The following JKAMP variants were observed in gnomAD, a reference collection of about 807,000 sequenced individuals.
JKAMP encodes JNK1/MAPK8-associated membrane protein.
In JKAMP, 20 loss-of-function variants were observed where a neutral mutation model predicts 40.2. The ratio of observed to expected loss-of-function variants is 0.50; its 90% CI spans 0.35 to 0.72. The LOEUF is 0.72. Ranked by LOEUF, JKAMP falls within the 30% of genes least tolerant of loss-of-function variation. The probability of loss-of-function intolerance (pLI) is 0.01; values close to 1 mark genes in which losing one functional copy is unlikely to be tolerated. For synonymous variants in JKAMP, 138 were observed against 131.6 expected (o/e 1.05, Z -0.33); for missense variants, 276 against 373.0 (o/e 0.74, Z 2.14).
chr14:59,501,302 T>C (rs750532696), intron 6 of JKAMP, 35 bp downstream of exon 6: 11 of 1,299,834 alleles, frequency 8.5e-6, no homozygotes, highest in East Asian at 2.3e-5. Context: ...TAAAGACTTT[T>C]TGATAAATTT....
chr14:59,487,624 ATGT>A (rs771238203), intron 2 of JKAMP, 47 bp from the exon 3 acceptor site: 1 of 1,395,558 alleles, frequency 7.2e-7, no homozygotes, highest in South Asian at 1.2e-5. Context: ...GGGGGTGTTA[ATGT>A]TGTAAAATAA....
At position 59,487,703 on chromosome 14, in the gene JKAMP, A is replaced by C. The variant is rs775018893; in HGVS notation, c.126A>C (p.Ala42=). 1 of 1,613,348 alleles carries C rather than the reference A, an allele frequency of 6.2e-7. No individual in the cohort carries two copies. The highest frequency in any genetic ancestry group is 1.1e-5 in the South Asian group (1 of 91,076). ...GCCCAAGAGGACAGAGAACGAATGC[A>C]CAGAAATATTGTCAGCCTTGCACAG... ...GVCPRGQRTN[A]QKYCQPCTES... Residue 42 remains alanine (A), a synonymous_variant, in exon 3 of 7, where the codon GCA becomes GCC. Transcript: ENST00000616435.
In JKAMP at chr14:59,505,236, G is replaced by T; in HGVS notation, c.*1164G>T. ...TTGAATTCACAGCAGTTGTATCCTTGAGTTACTTTGTTAATGTATTTTTCT... is the reference window on the plus strand; with the variant it reads ...TTGAATTCACAGCAGTTGTATCCTTTAGTTACTTTGTTAATGTATTTTTCT... On this transcript the variant is annotated 3_prime_UTR_variant, in exon 7 of 7. Coordinates refer to ENST00000616435, the MANE Select transcript of JKAMP (RefSeq NM_016475.5). The T allele has an allele frequency of 6.9e-7, 1 of 1,451,822 alleles. No homozygotes were observed. Among genetic ancestry groups the T allele is most frequent in the Non-Finnish European group, 9.2e-7 (1 of 1,082,034 alleles). The allele number at this position is 1,451,822 out of a possible 1,614,324, so 89.9% of individuals were successfully genotyped here.
At chr14:59,503,740 TTA>T (rs1555339768) in intron 6 of JKAMP, 112 bp from the exon 7 acceptor site, 1 of 655,928 alleles carries the variant, frequency 1.5e-6, no homozygotes, top group East Asian at 3.0e-5. Flanking sequence ...CTCAAACATT[TTA>T]TGATTCTGAG....
chr14:59,499,198 A>AT (rs1176311287), intron 5 of JKAMP, among the ~76,000 whole-genome samples: 10 of 147,982 alleles, frequency 6.8e-5, no homozygotes, highest in South Asian at 2.1e-4. Context: ...TAATTTTTGT[A>AT]TTTTTTTTTA....
intron 1 of JKAMP, chr14:59,485,171 T>C (rs756188033): frequency 1.4e-4 from 224 of 1,573,346 alleles, no homozygotes; most frequent in Non-Finnish European, 1.8e-4. Context: ...TTTCAGGCCT[T>C]GGATTTTGAG....
At chr14:59,496,715 T>A (rs189352274) in intron 4 of JKAMP, among the ~76,000 whole-genome samples, 2 of 152,308 alleles carry the variant, frequency 1.3e-5, no homozygotes, top group Admixed American at 6.5e-5. Flanking sequence ...ATCACACAGC[T>A]TCATTGATTA....
At chr14:59,484,881 G>A (rs1890407331) in intron 1 of JKAMP, 1 of 1,294,268 alleles carries the variant, frequency 7.7e-7, no homozygotes, top group Non-Finnish European at 1.0e-6. Context: ...GGGAACACTT[G>A]CTTGAGGGTT....
chr14:59,491,270 G>C (rs1290485855), intron 3 of JKAMP, among the ~76,000 whole-genome samples: 1 of 152,196 alleles, frequency 6.6e-6, no homozygotes, highest in Non-Finnish European at 1.5e-5. Flanking sequence ...AAGTCATTTA[G>C]CATGGCCAGG....
At chr14:59,491,230 C>T (rs889560549) in intron 3 of JKAMP, among the ~76,000 whole-genome samples, 3 of 152,136 alleles carry the variant, frequency 2.0e-5, no homozygotes, top group African/African-American at 7.2e-5. Context: ...GTGATGCATG[C>T]CCAGATGTGT....
chr14:59,484,721 G>A (rs923819703), intron 1 of JKAMP, 128 bp downstream of exon 1: 4 of 1,221,110 alleles, frequency 3.3e-6, no homozygotes, highest in African/African-American at 3.0e-5. Context: ...CCTTGACCCC[G>A]CCCGCCCTCG....
chr14:59,488,390 G>A (rs1003185765), intron 3 of JKAMP, among the ~76,000 whole-genome samples: 2 of 152,038 alleles, frequency 1.3e-5, no homozygotes, highest in East Asian at 3.9e-4. Context: ...TAGTGGAAGA[G>A]TTATAAACAA....
intron 1 of JKAMP, chr14:59,485,342 A>C (rs1890460030): frequency 2.2e-6 from 1 of 445,270 alleles, no homozygotes; most frequent in African/African-American, 2.0e-5. Context: ...TTGGTTACAA[A>C]AAAAATAAGC....
At position 59,505,250 on chromosome 14, in the gene JKAMP, A is replaced by C; in HGVS notation, c.*1178A>C. On this transcript the variant is annotated 3_prime_UTR_variant, in exon 7 of 7. Coordinates refer to ENST00000616435, the MANE Select transcript of JKAMP (RefSeq NM_016475.5). ...GTTGTATCCTTGAGTTACTTTGTTA[A>C]TGTATTTTTCTCAGTACATTTAACC... is the stretch of plus-strand genomic sequence containing the variant. The C allele has an allele frequency of 6.7e-7, 1 of 1,490,310 alleles. No individual in the cohort carries two copies. Among genetic ancestry groups the C allele is most frequent in the Non-Finnish European group, 9.0e-7 (1 of 1,112,690 alleles). 92.3% of individuals were successfully genotyped at this position (1,490,310 alleles called of 1,614,324 possible).
At chr14:59,502,773 T>TTTTTTTTTTTTTTTTTTTTG (rs796697193) in intron 6 of JKAMP, among the ~76,000 whole-genome samples, 39 of 102,848 alleles carry the variant, frequency 3.8e-4, no homozygotes, top group South Asian at 6.6e-4. Flanking sequence ...TTTTTTTTTT[T>TTTTTTTTTTTTTTTTTTTTG]CGGAGTCTCA....
chr14:59,488,651 CATGTGAACTTTAATCTGCTGGGA>C (rs1890763044), intron 3 of JKAMP, among the ~76,000 whole-genome samples: 1 of 152,120 alleles, frequency 6.6e-6, no homozygotes, highest in Non-Finnish European at 1.5e-5. Context: ...TCTTGATAAG[CATGTGAACTTTAATCTGCTGGGA>C]ATGGGAAGTC....
chr14:59,487,255 T>G (rs10149486), intron 2 of JKAMP: 60,053 of 154,522 alleles, frequency 0.39, 12,432 homozygotes, highest in African/African-American at 0.52. Flanking sequence ...ATTAATATAG[T>G]CATTGTTCAT....
In JKAMP at chr14:59,498,851, G is replaced by C. The variant is rs1174230242; in HGVS notation, c.583G>C (p.Ala195Pro). ...TGATCGATTTAAAAGTATTTATGCT[G>C]CACTTTACTTCTTCCCAATTTTAAC... ...KSDRFKSIYA[A>P]LYFFPILTVL... Residue 195 changes from alanine to proline, a missense_variant, in exon 5 of 7, where the codon GCA becomes CCA. Ala to Pro is a conservative substitution (Grantham distance 27, BLOSUM62 -1). Coordinates refer to ENST00000616435, the MANE Select transcript of JKAMP (RefSeq NM_016475.5). 3.7e-6 allele frequency: 6 copies of C among 1,611,842 alleles called. No homozygotes were observed. Among genetic ancestry groups the C allele is most frequent in the Non-Finnish European group, 4.2e-6 (5 of 1,178,918 alleles).
At chr14:59,494,137 T>A (rs564558562) in intron 3 of JKAMP, among the ~76,000 whole-genome samples, 5 of 151,550 alleles carry the variant, frequency 3.3e-5, no homozygotes, top group Admixed American at 3.3e-4. Flanking sequence ...TGTGTGTGTG[T>A]GAGATACACA....
Sources: gnomAD v4.1 joint callset for allele counts (sites outside exome capture counted in the v4.1 genomes callset) on GRCh38, gnomAD v4.1.1 for gene constraint, MANE v1.5 for transcripts, NCBI Gene and HGNC (gene_info 2026-07-23, HGNC 2026-07-21) for gene names.